The following TEAD1 variants were observed in gnomAD, a reference collection of about 807,000 sequenced individuals.
TEAD1 encodes TEA domain transcription factor 1, also known as transcriptional enhancer factor TEF-1.
In TEAD1, 9 loss-of-function variants were observed where a neutral mutation model predicts 54.9. That is an observed-to-expected ratio of 0.16 (90% CI 0.10 to 0.29). The LOEUF (loss-of-function observed/expected upper bound fraction) is 0.29. TEAD1 is among the 10% of genes least tolerant of loss of function. The probability of loss-of-function intolerance (pLI) is 1.00; values close to 1 mark genes in which losing one functional copy is unlikely to be tolerated. For synonymous variants in TEAD1, 200 were observed against 187.8 expected (o/e 1.07, Z -0.53); for missense variants, 387 against 535.9 (o/e 0.72, Z 2.74).
At chr11:12,733,130 A>C (rs377710717) in intron 2 of TEAD1, among the ~76,000 whole-genome samples, 1 of 152,174 alleles carries the variant, frequency 6.6e-6, no homozygotes, top group South Asian at 2.1e-4. Flanking sequence ...TCACCTGTTA[A>C]AGGAGAGTAA....
At chr11:12,899,254 G>C (rs1289620877) in intron 9 of TEAD1, among the ~76,000 whole-genome samples, 2 of 151,484 alleles carry the variant, frequency 1.3e-5, no homozygotes, top group African/African-American at 4.9e-5. Context: ...GTAAGCAGAG[G>C]TTGTTAATCA....
At chr11:12,879,933 T>C in intron 6 of TEAD1, 91 bp downstream of exon 6, 2 of 1,590,598 alleles carry the variant, frequency 1.3e-6, no homozygotes, top group Non-Finnish European at 1.7e-6. Context: ...TTTCTTGTCA[T>C]GTGGGTCAGG....
At chr11:12,878,224 C>A (rs1947895018) in intron 5 of TEAD1, among the ~76,000 whole-genome samples, 1 of 152,150 alleles carries the variant, frequency 6.6e-6, no homozygotes, top group African/African-American at 2.4e-5. Context: ...CCTGGGAACA[C>A]CTAGCACATC....
chr11:12,817,689 G>A lies in TEAD1; in HGVS notation c.203-44561G>A, dbSNP rs146263424. Reference sequence around the variant, plus strand: ...CAATGTTAACGTGTTAATATTTCATGAGTACCCACGTTGCCAGCTCCTTGC... The same window carrying A: ...CAATGTTAACGTGTTAATATTTCATAAGTACCCACGTTGCCAGCTCCTTGC... On this transcript the variant is annotated intron_variant, in intron 3 of 12. Transcript: ENST00000527636. Among the ~76,000 whole-genome samples, 10 of 152,244 alleles carry A rather than the reference G, an allele frequency of 6.6e-5. No individual in the cohort carries two copies. In the East Asian group the frequency reaches 1.9e-3, roughly 29 times the overall value.
intron 3 of TEAD1, among the ~76,000 whole-genome samples, chr11:12,782,771 A>C (rs1347016169): frequency 6.6e-6 from 1 of 152,220 alleles, no homozygotes; most frequent in Non-Finnish European, 1.5e-5. Flanking sequence ...GCAAAGATGG[A>C]AAGAAAGGAA....
rs1948987421 is a variant in TEAD1 at position 12,930,095 on chromosome 11, C to G, written c.1015-79C>G. 5.8e-6 allele frequency: 9 copies of G among 1,564,624 alleles called. No homozygotes were observed. In the South Asian group the frequency reaches 1.0e-4, roughly 17 times the overall value. ...TGATTCATGTTGAAAAACTAAAATGCTTTTATGGGCAGTAATATCTGTTTC... is the reference window on the plus strand; with the variant it reads ...TGATTCATGTTGAAAAACTAAAATGGTTTTATGGGCAGTAATATCTGTTTC... On this transcript the variant is annotated intron_variant, in intron 11 of 12. Transcript: ENST00000527636.
intron 3 of TEAD1, among the ~76,000 whole-genome samples, chr11:12,814,622 C>T (rs951886078): frequency 1.3e-5 from 2 of 152,178 alleles, no homozygotes; most frequent in East Asian, 1.9e-4. Context: ...AAGAGCGTGA[C>T]AGCACTTGAG....
rs750122676 is a variant in TEAD1, at chr11:12,793,147, C to T, written c.202+28713C>T. Among the ~76,000 whole-genome samples the T allele has an allele frequency of 4.0e-5, 6 of 151,100 alleles. No homozygotes were observed. In the East Asian group the frequency reaches 9.8e-4, roughly 25 times the overall value. ...TTTTTTTTTTTAATTTATAAATATACGTTATTCAACCGGTTGCCTATTTTT... is the reference window on the plus strand; with the variant it reads ...TTTTTTTTTTTAATTTATAAATATATGTTATTCAACCGGTTGCCTATTTTT... On this transcript the variant is annotated intron_variant, in intron 3 of 12. Coordinates refer to ENST00000527636, the MANE Select transcript of TEAD1 (RefSeq NM_021961.6).
intron 5 of TEAD1, among the ~76,000 whole-genome samples, chr11:12,873,533 A>C (rs1456255949): frequency 6.6e-6 from 1 of 152,202 alleles, no homozygotes; most frequent in African/African-American, 2.4e-5. Context: ...ATGTGAATGG[A>C]GTCTTTGGCA....
intron 10 of TEAD1, among the ~76,000 whole-genome samples, chr11:12,919,937 T>C (rs1159439770): frequency 1.3e-5 from 2 of 152,186 alleles, no homozygotes; most frequent in Non-Finnish European, 2.9e-5. Context: ...TAGTACTCAT[T>C]TCAGGTGCAG....
At chr11:12,797,414 T>C (rs965779627) in intron 3 of TEAD1, among the ~76,000 whole-genome samples, 4 of 152,198 alleles carry the variant, frequency 2.6e-5, no homozygotes, top group Admixed American at 1.3e-4. Context: ...GTTGGCACCC[T>C]ATCCAATGAC....
chr11:12,922,092 A>C (rs1367763152), intron 10 of TEAD1, among the ~76,000 whole-genome samples: 1 of 152,156 alleles, frequency 6.6e-6, no homozygotes, highest in East Asian at 1.9e-4. Context: ...TAGCTATTAG[A>C]AGCACCTGAG....
chr11:12,780,524 G>A (rs1243366865), intron 3 of TEAD1, among the ~76,000 whole-genome samples: 3 of 152,082 alleles, frequency 2.0e-5, no homozygotes, highest in Non-Finnish European at 4.4e-5. Flanking sequence ...GATTACAGGT[G>A]TGAGCCACTG....
At chr11:12,825,798 T>G (rs1421838860) in intron 3 of TEAD1, among the ~76,000 whole-genome samples, 1 of 152,210 alleles carries the variant, frequency 6.6e-6, no homozygotes, top group Non-Finnish European at 1.5e-5. Flanking sequence ...GTTACTGGTG[T>G]AAGGATAGAC....
rs1178193347 is a variant in TEAD1 at position 12,745,863 on chromosome 11, T to C, written c.-54-18316T>C. On this transcript the variant is annotated intron_variant, in intron 2 of 12. Transcript: ENST00000527636. ...TGTTAGAGTTGGCTCTGTCTTCTCC[T>C]GCCAAGGCATTCACAGCTTCTTTTG... Among the ~76,000 whole-genome samples the C allele has an allele frequency of 2.0e-5, 3 of 152,350 alleles. No homozygotes were observed. In the South Asian group the frequency reaches 6.2e-4, roughly 32 times the overall value.
intron 2 of TEAD1, among the ~76,000 whole-genome samples, chr11:12,689,732 A>C (rs1943414095): frequency 6.6e-6 from 1 of 152,048 alleles, no homozygotes; most frequent in Non-Finnish European, 1.5e-5. Context: ...AGTAGAGGGC[A>C]ATTGAACCCC....
chr11:12,810,645 C>A (rs1038513270), intron 3 of TEAD1, among the ~76,000 whole-genome samples: 1 of 152,168 alleles, frequency 6.6e-6, no homozygotes, highest in African/African-American at 2.4e-5. Flanking sequence ...CTGTGCTGCA[C>A]CCCTGGGTCT....
At chr11:12,905,776 G>A (rs1368579376) in intron 10 of TEAD1, among the ~76,000 whole-genome samples, 1 of 152,122 alleles carries the variant, frequency 6.6e-6, no homozygotes, top group African/African-American at 2.4e-5. Flanking sequence ...TCTCTAGGCT[G>A]TCAGTATCAG....
chr11:12,751,811 C>T (rs954321341), intron 2 of TEAD1, among the ~76,000 whole-genome samples: 6 of 152,110 alleles, frequency 3.9e-5, no homozygotes, highest in Admixed American at 2.6e-4. Context: ...GAGGTGAAGA[C>T]TAAATGTGGA....
Sources: allele counts gnomAD v4.1 joint callset (sites outside exome capture counted in the v4.1 genomes callset), GRCh38; gene constraint gnomAD v4.1.1; transcripts MANE v1.5; gene names NCBI Gene and HGNC (gene_info 2026-07-23, HGNC 2026-07-21).